CNKSR2: variants seen among roughly 807,000 people sequenced by gnomAD.
The protein encoded by CNKSR2 is CNK homolog protein 2.
In CNKSR2, 14 loss-of-function variants were observed where a neutral mutation model predicts 84.4. The observed-to-expected ratio is 0.17, with a 90% CI of 0.11 to 0.26. CNKSR2 has a LOEUF of 0.26. Ranked by LOEUF, CNKSR2 falls within the 10% of genes least tolerant of loss-of-function variation. CNKSR2 has a pLI of 1.00. For missense variants in CNKSR2, 485 were observed against 771.2 expected, an observed-to-expected ratio of 0.63 and a Z score of 4.40; for synonymous variants, 275 against 277.9, an observed-to-expected ratio of 0.99 and a Z score of 0.10.
intron 1 of CNKSR2, among the ~76,000 whole-genome samples, chrX:21,396,437 T>C (rs1348171616): frequency 9.0e-6 from 1 of 111,346 alleles, no homozygotes; most frequent in African/African-American, 3.3e-5. Flanking sequence ...CAAACAGATT[T>C]TTTTAATGCA....
At chrX:21,606,716 C>T (rs897039804) in intron 18 of CNKSR2, 63 bp from the exon 19 acceptor site, 22 of 702,443 alleles carry the variant, frequency 3.1e-5, no homozygotes, top group Admixed American at 5.5e-5. Context: ...AGTTTATGTT[C>T]GTGAAAATAT....
Position 21,516,648 on chromosome X carries a change from A to G in CNKSR2, c.957+17A>G, listed in dbSNP as rs758704053. 2 of 1,192,693 alleles carry G rather than the reference A, an allele frequency of 1.7e-6. No individual in the cohort carries two copies. The highest frequency in any genetic ancestry group is 3.0e-5 in the East Asian group (1 of 33,642). On this transcript the variant is annotated intron_variant, in intron 9 of 21. Coordinates refer to ENST00000379510, the MANE Select transcript of CNKSR2 (RefSeq NM_014927.5). ...GCTCTGCAGGTAATGAAGCTTAATCATAAGTCATACACCATCATTTTAGCC... is the reference window on the plus strand; with the variant it reads ...GCTCTGCAGGTAATGAAGCTTAATCGTAAGTCATACACCATCATTTTAGCC...
chrX:21,436,059 A>G (rs2090700239), intron 3 of CNKSR2, among the ~76,000 whole-genome samples: 1 of 112,000 alleles, frequency 8.9e-6, no homozygotes, highest in African/African-American at 3.2e-5. Flanking sequence ...ATAAGAAACT[A>G]AAGGACAAAT....
At chrX:21,535,469 A>G (rs1268186632) in intron 11 of CNKSR2, among the ~76,000 whole-genome samples, 1 of 111,497 alleles carries the variant, frequency 9.0e-6, no homozygotes, top group African/African-American at 3.3e-5. Flanking sequence ...TTTGGGTAGT[A>G]TAGTCATTTT....
intron 2 of CNKSR2, chrX:21,429,548 A>G (rs936522862): frequency 3.6e-5 from 4 of 111,580 alleles, no homozygotes; most frequent in African/African-American, 1.3e-4. Flanking sequence ...ATCCACTTAC[A>G]TGAAAGAAAT....
intron 13 of CNKSR2, among the ~76,000 whole-genome samples, chrX:21,567,790 TG>T (rs2092251496): frequency 1.2e-5 from 1 of 80,439 alleles, no homozygotes; most frequent in African/African-American, 4.7e-5. Flanking sequence ...CAGAAGTTTT[TG>T]TGTGGTGTGT....
intron 11 of CNKSR2, among the ~76,000 whole-genome samples, chrX:21,557,993 G>T (rs1416633101): frequency 1.8e-5 from 2 of 111,289 alleles, no homozygotes; most frequent in Non-Finnish European, 3.8e-5. Flanking sequence ...GCATATATTT[G>T]ATTTAAGTCT....
At chrX:21,449,355 G>A (rs1204019926) in intron 4 of CNKSR2, among the ~76,000 whole-genome samples, 1 of 107,419 alleles carries the variant, frequency 9.3e-6, no homozygotes, top group African/African-American at 3.4e-5. Context: ...TTGCAAGGAG[G>A]TAGCAGAATG....
At chrX:21,618,149 G>A (rs1294305954) in intron 20 of CNKSR2, among the ~76,000 whole-genome samples, 1 of 111,019 alleles carries the variant, frequency 9.0e-6, no homozygotes, top group Non-Finnish European at 1.9e-5. Context: ...TAGCCACTGA[G>A]TCTGGTGACC....
At chrX:21,388,570 A>G (rs2090004586) in intron 1 of CNKSR2, among the ~76,000 whole-genome samples, 1 of 112,510 alleles carries the variant, frequency 8.9e-6, no homozygotes. Context: ...AAGAGCTTCC[A>G]ATAGCTAAAG....
At chrX:21,430,418 TATAGAG>T (rs1048670214) in intron 2 of CNKSR2, among the ~76,000 whole-genome samples, 8 of 111,862 alleles carry the variant, frequency 7.2e-5, no homozygotes, top group Non-Finnish European at 1.5e-4. Context: ...GCTAGTGTTA[TATAGAG>T]ATAAACAATT....
intron 11 of CNKSR2, among the ~76,000 whole-genome samples, chrX:21,542,669 T>C (rs1431069418): frequency 8.9e-6 from 1 of 111,987 alleles, no homozygotes; most frequent in Non-Finnish European, 1.9e-5. Flanking sequence ...TATTTCATCA[T>C]AACACATTTC....
intron 13 of CNKSR2, among the ~76,000 whole-genome samples, chrX:21,587,725 C>T (rs947812373): frequency 2.7e-5 from 3 of 111,699 alleles, no homozygotes; most frequent in Admixed American, 9.5e-5. Context: ...AAGGAAAACC[C>T]TTTCTGGAGA....
chrX:21,450,987 T>C, intron 4 of CNKSR2, among the ~76,000 whole-genome samples: 1 of 112,330 alleles, frequency 8.9e-6, no homozygotes, highest in Non-Finnish European at 1.9e-5. Context: ...TTGTATAAAA[T>C]AGAAGTGTGA....
chrX:21,466,288 G>T (rs190682533), intron 4 of CNKSR2, among the ~76,000 whole-genome samples: 1 of 111,296 alleles, frequency 9.0e-6, no homozygotes, highest in Admixed American at 9.6e-5. Flanking sequence ...TTATCCATAT[G>T]CAATGCTATT....
At chrX:21,418,236 A>G in intron 1 of CNKSR2, among the ~76,000 whole-genome samples, 1 of 111,754 alleles carries the variant, frequency 8.9e-6, no homozygotes, top group Non-Finnish European at 1.9e-5. Context: ...ATCTTATTGT[A>G]CTGTCTATGT....
intron 8 of CNKSR2, chrX:21,504,185 A>G (rs952029777): frequency 1.8e-5 from 2 of 110,922 alleles, no homozygotes; most frequent in Non-Finnish European, 3.8e-5. Context: ...CTCTTATTAG[A>G]TAATATACAG....
At chrX:21,484,205 C>T (rs2091355095) in intron 5 of CNKSR2, among the ~76,000 whole-genome samples, 1 of 111,247 alleles carries the variant, frequency 9.0e-6, no homozygotes, top group Admixed American at 9.6e-5. Flanking sequence ...GCAGAAGAAT[C>T]ACTTGCACCG....
chrX:21,542,384 G>A (rs187872013), intron 11 of CNKSR2, among the ~76,000 whole-genome samples: 1 of 112,094 alleles, frequency 8.9e-6, no homozygotes, highest in East Asian at 2.8e-4. Flanking sequence ...GTAGAGTTTT[G>A]TGAGATTTAA....
Sources: gnomAD v4.1 joint callset for allele counts (sites outside exome capture counted in the v4.1 genomes callset) on GRCh38, gnomAD v4.1.1 for gene constraint, MANE v1.5 for transcripts, NCBI Gene and HGNC (gene_info 2026-07-23, HGNC 2026-07-21) for gene names.